The following MT1F variants were observed in gnomAD, a reference collection of about 807,000 sequenced individuals.
MT1F encodes the protein metallothionein 1F, also known as metallothionein-1F.
A neutral mutation model predicts 5.4 loss-of-function variants in MT1F; 6 were observed. The ratio of observed to expected loss-of-function variants is 1.11; its 90% CI spans 0.61 to 2.19. The LOEUF (loss-of-function observed/expected upper bound fraction) is 2.19. Ranked by LOEUF, MT1F falls within the 30% of genes most tolerant of loss-of-function variation. MT1F has a pLI of 0.00. For synonymous variants in MT1F, 28 were observed against 28.3 expected, an observed-to-expected ratio of 0.99 and a Z score of 0.04; for missense variants, 82 against 77.0, an observed-to-expected ratio of 1.07 and a Z score of -0.24.
rs1960660517 is a variant in MT1F, at chr16:56,659,118, G to A, written c.140G>A (p.Gly47Asp). The change falls in exon 3 of 3, where the codon GGC becomes GAC. Residue 47 changes from glycine to aspartate, a missense_variant. Physicochemically the swap from Gly to Asp is moderately conservative, Grantham distance 94. Transcript: ENST00000334350. ...GTGGGCTGTAGCAAGTGTGCCCAGG[G>A]CTGTGTTTGCAAAGGGGCGTCAGAG... The part of the protein sequence containing the change: ...CPVGCSKCAQ[G>D]CVCKGASEKC... 1.2e-6 allele frequency: 2 copies of A among 1,613,994 alleles called. No individual in the cohort carries two copies. The highest frequency in any genetic ancestry group is 3.3e-5 in the Admixed American group (2 of 60,012).
chr16:56,658,853 G>A (rs763676685), intron 2 of MT1F, 113 bp downstream of exon 2: 28 of 1,382,586 alleles, frequency 2.0e-5, no homozygotes, highest in Non-Finnish European at 2.8e-5. Context: ...GTCCCCGTAG[G>A]TTGTCACTGC....
chr16:56,658,315 C>G (rs1342069746), intron 1 of MT1F: 5 of 600,612 alleles, frequency 8.3e-6, no homozygotes, highest in Non-Finnish European at 3.0e-6. Flanking sequence ...CCACGTCATG[C>G]GGTTTGTCCC....
rs186322428 is a variant in MT1F, at chr16:56,657,981, G to T, written c.-78G>T. 0.13 allele frequency: 187,967 copies of T among 1,479,618 alleles called. 13,174 individuals are homozygous for T. Among genetic ancestry groups the T allele is most frequent in the Non-Finnish European group, 0.14 (149,899 of 1,065,976 alleles). 91.7% of individuals were successfully genotyped at this position (1,479,618 alleles called of 1,614,324 possible). On this transcript the variant is annotated 5_prime_UTR_variant, in exon 1 of 3. Transcript: ENST00000334350. ...ACTATCAAAGCAGCGGCCGGCTGTTGGGGTCCACCACGCCTTCCACCTGCC... is the reference window on the plus strand; with the variant it reads ...ACTATCAAAGCAGCGGCCGGCTGTTTGGGTCCACCACGCCTTCCACCTGCC...
Position 56,659,158 on chromosome 16 carries a change from C to A in MT1F, c.180C>A (p.Cys60Ter). The change falls in exon 3 of 3, where the codon TGC becomes TGA. Residue 60 changes from cysteine (C) to a stop codon, truncating the protein, a stop_gained. Coordinates refer to ENST00000334350, the MANE Select transcript of MT1F (RefSeq NM_005949.4). LOFTEE classifies it high-confidence loss of function. The stretch of plus-strand genomic sequence containing the variant: ...GGGCGTCAGAGAAGTGCAGCTGCTG[C>A]GACTGATGCCAGGACAACCTTTCTC... The part of the protein sequence containing the change: ...CKGASEKCSC[C>*]D 1 of 1,613,944 alleles carries A rather than the reference C, an allele frequency of 6.2e-7. No individual in the cohort carries two copies. Among genetic ancestry groups the A allele is most frequent in the Non-Finnish European group, 8.5e-7 (1 of 1,179,894 alleles).
chr16:56,658,191 G>A lies in MT1F; in HGVS notation c.28+105G>A, dbSNP rs572535371. 3.1e-6 allele frequency: 4 copies of A among 1,288,510 alleles called. No individual in the cohort carries two copies. In the East Asian group the frequency reaches 7.0e-5, roughly 22 times the overall value. 79.8% of individuals were successfully genotyped at this position (1,288,510 alleles called of 1,614,324 possible). On this transcript the variant is annotated intron_variant, in intron 1 of 2. Transcript: ENST00000334350. ...GTATTTTGAGATCTCAACTGTAGGG[G>A]ACTCCTTGACTTAGTCCAGTGCTTT...
chr16:56,658,909 A>G (rs896691489), intron 2 of MT1F, 164 bp from the exon 3 acceptor site: 1 of 1,076,480 alleles, frequency 9.3e-7, no homozygotes, highest in Non-Finnish European at 1.4e-6. Context: ...CAGCTTTCTC[A>G]TAGGAAGACC....
At chr16:56,658,180 C>A in intron 1 of MT1F, 94 bp downstream of exon 1, 2 of 1,420,860 alleles carry the variant, frequency 1.4e-6, no homozygotes, top group Non-Finnish European at 2.0e-6. Context: ...TTTGAGATCT[C>A]AACTGTAGGG....
intron 1 of MT1F, chr16:56,658,463 G>A (rs1948662175): frequency 3.2e-6 from 2 of 615,968 alleles, no homozygotes; most frequent in African/African-American, 1.8e-5. Flanking sequence ...CTGGAGCCTG[G>A]GACTTTCCTT....
chr16:56,659,145 A>T lies in MT1F; in HGVS notation c.167A>T (p.Lys56Met). 6.2e-7 allele frequency: 1 copy of T among 1,614,150 alleles called. No homozygotes were observed. The highest frequency in any genetic ancestry group is 1.3e-5 in the African/African-American group (1 of 75,044). ...TGTGTTTGCAAAGGGGCGTCAGAGA[A>T]GTGCAGCTGCTGCGACTGATGCCAG... ...QGCVCKGASEKCSCCD is the reference protein window; with the variant it reads ...QGCVCKGASEMCSCCD The change falls in exon 3 of 3, where the codon AAG becomes ATG. Residue 56 changes from lysine (K) to methionine (M), a missense_variant. Lys to Met is a moderately conservative substitution (Grantham distance 95). Coordinates refer to ENST00000334350, the MANE Select transcript of MT1F (RefSeq NM_005949.4).
rs749137015 is a variant in MT1F, at chr16:56,658,562, G to A, written c.29-113G>A. On this transcript the variant is annotated intron_variant, in intron 1 of 2. Coordinates refer to ENST00000334350, the MANE Select transcript of MT1F (RefSeq NM_005949.4). The stretch of plus-strand genomic sequence containing the variant: ...TTCCTCTGCTCTGAGTGGGAAAGGA[G>A]CTCTGAGGGCTGGCCCCGCACAGAG... The A allele has an allele frequency of 4.2e-5, 45 of 1,069,558 alleles. 1 individual carries two copies. The highest frequency in any genetic ancestry group is 3.3e-4 in the South Asian group (23 of 70,448). The allele number at this position is 1,069,558 out of a possible 1,614,324, so 66.3% of individuals were successfully genotyped here. A position where few individuals can be genotyped will look rare whatever the true frequency, so the allele number is the denominator to read the frequency against.
intron 1 of MT1F, 196 bp from the exon 2 acceptor site, chr16:56,658,479 T>G: frequency 1.6e-6 from 1 of 628,090 alleles, no homozygotes; most frequent in Non-Finnish European, 2.8e-6. Context: ...TCCTTTGGAG[T>G]GCAAACAGGA....
At chr16:56,658,604 CTCA>C in intron 1 of MT1F, 68 bp from the exon 2 acceptor site, 1 of 1,502,050 alleles carries the variant, frequency 6.7e-7, no homozygotes, top group Non-Finnish European at 9.3e-7. Flanking sequence ...GCAATGGAGA[CTCA>C]TTAACTCACT....
intron 1 of MT1F, chr16:56,658,455 G>A: frequency 1.6e-6 from 1 of 608,414 alleles, no homozygotes; most frequent in Non-Finnish European, 2.9e-6. Context: ...GGCTGTGCCT[G>A]GAGCCTGGGA....
chr16:56,658,745 G>C lies in MT1F; in HGVS notation c.94+5G>C. On this transcript the variant is annotated splice_donor_5th_base_variant and intron_variant, in intron 2 of 2. Transcript: ENST00000334350. ...AATGCACCTCCTGCAAGAAGAGTGA[G>C]TGTGAGGCCATCTCCATGGTCTGGG... The C allele has an allele frequency of 6.2e-7, 1 of 1,614,234 alleles. No homozygotes were observed. The highest frequency in any genetic ancestry group is 1.3e-5 in the African/African-American group (1 of 75,072).
intron 2 of MT1F, 132 bp from the exon 3 acceptor site, chr16:56,658,941 G>T: frequency 9.4e-7 from 1 of 1,058,802 alleles, no homozygotes; most frequent in South Asian, 1.3e-5. Context: ...TTTCCCAGTT[G>T]TCTCCTGACA....
chr16:56,658,673 A>G lies in MT1F; in HGVS notation c.29-2A>G. ...ACTGGCTTTTTTTTCTCTTTCTCGC[A>G]GGTGTCTCCTGCACCTGCGCTGGTT... On this transcript the variant is annotated splice_acceptor_variant, in intron 1 of 2. Transcript: ENST00000334350. LOFTEE classifies it high-confidence loss of function. The G allele has an allele frequency of 6.2e-7, 1 of 1,614,048 alleles. No homozygotes were observed. Among genetic ancestry groups the G allele is most frequent in the Non-Finnish European group, 8.5e-7 (1 of 1,179,988 alleles).
chr16:56,658,705 A>C lies in MT1F; in HGVS notation c.59A>C (p.Lys20Thr), dbSNP rs572620111. The C allele has an allele frequency of 5.2e-5, 84 of 1,614,182 alleles. No homozygotes were observed. Among genetic ancestry groups the C allele is most frequent in the African/African-American group, 1.6e-4 (12 of 75,056 alleles). The change falls in exon 2 of 3, where the codon AAG becomes ACG. Residue 20 changes from lysine (K) to threonine (T), a missense_variant. By Grantham distance (78) the Lys-to-Thr change is moderately conservative. Transcript: ENST00000334350. ...GVSCTCAGSC[K>T]CKECKCTSCK... ...TCCTGCACCTGCGCTGGTTCCTGCA[A>C]GTGCAAAGAGTGCAAATGCACCTCC...
chr16:56,658,630 G>T, intron 1 of MT1F, 45 bp from the exon 2 acceptor site: 1 of 1,603,328 alleles, frequency 6.2e-7, no homozygotes, highest in Non-Finnish European at 8.5e-7. Context: ...TGTACCTCCT[G>T]CAGGTCACTC....
At chr16:56,658,636 C>A in intron 1 of MT1F, 39 bp from the exon 2 acceptor site, 1 of 1,609,980 alleles carries the variant, frequency 6.2e-7, no homozygotes, top group Non-Finnish European at 8.5e-7. Flanking sequence ...TCCTGCAGGT[C>A]ACTCGCCGCT....
Sources: allele counts gnomAD v4.1 joint callset, GRCh38; gene constraint gnomAD v4.1.1; transcripts MANE v1.5; gene names NCBI Gene and HGNC (gene_info 2026-07-23, HGNC 2026-07-21).